PDE3A: variants seen among roughly 807,000 people sequenced by gnomAD.
PDE3A encodes phosphodiesterase 3A, also known as cGMP-inhibited 3',5'-cyclic phosphodiesterase 3A.
PDE3A carries 43 observed loss-of-function variants against 98.3 expected under a neutral mutation model. The observed-to-expected ratio is 0.44, with a 90% CI of 0.34 to 0.56. The LOEUF (loss-of-function observed/expected upper bound fraction) is 0.56, where lower values mean the gene tolerates loss of function less well. PDE3A is among the 20% of genes least tolerant of loss of function. The pLI is 0.01. For synonymous variants in PDE3A, 663 were observed against 567.9 expected, an observed-to-expected ratio of 1.17 and a Z score of -2.38; for missense variants, 1,427 against 1,440.7, an observed-to-expected ratio of 0.99 and a Z score of 0.15.
intron 1 of PDE3A, among the ~76,000 whole-genome samples, chr12:20,497,210 T>C (rs183570345): frequency 1.2e-3 from 186 of 152,266 alleles, no homozygotes; most frequent in South Asian, 2.3e-3. Context: ...AATGTGATTC[T>C]GATACAACTG....
intron 1 of PDE3A, among the ~76,000 whole-genome samples, chr12:20,401,268 A>G (rs1451090693): frequency 6.6e-6 from 1 of 152,140 alleles, no homozygotes; most frequent in Non-Finnish European, 1.5e-5. Flanking sequence ...CTACCACACT[A>G]CATCTTCTTG....
In PDE3A at chr12:20,552,957, GCCT is replaced by G; in HGVS notation, c.961-3701_961-3699del. 9 of 1,574,996 alleles carry G rather than the reference GCCT, an allele frequency of 5.7e-6. No individual in the cohort carries two copies. Among genetic ancestry groups the G allele is most frequent in the Non-Finnish European group, 6.9e-6 (8 of 1,160,438 alleles). On this transcript the variant is annotated intron_variant, in intron 1 of 15. Transcript: ENST00000359062. The surrounding 1 kb of genome is among the most constrained non-coding windows in gnomAD (Gnocchi z 5.1). ...GCAGCTATGCCATGCAGGTGAACCA[GCCT>G]CTGCAGACCGTCCTCAACCAGCTCT...
chr12:20,385,616 A>G (rs1027755581), intron 1 of PDE3A, among the ~76,000 whole-genome samples: 21 of 152,000 alleles, frequency 1.4e-4, no homozygotes, highest in South Asian at 6.2e-4. Context: ...GCCATAAAAA[A>G]TGATGAGTTC....
chr12:20,377,615 A>G (rs994645453), intron 1 of PDE3A, among the ~76,000 whole-genome samples: 1 of 151,864 alleles, frequency 6.6e-6, no homozygotes, highest in African/African-American at 2.4e-5. Context: ...TTTAATAACA[A>G]TATACAGTCT....
At chr12:20,445,095 C>G (rs765106670) in intron 1 of PDE3A, among the ~76,000 whole-genome samples, 9 of 152,140 alleles carry the variant, frequency 5.9e-5, no homozygotes, top group Non-Finnish European at 1.3e-4. Context: ...AGTAATTGCA[C>G]AAGTAAACGG....
Position 20,379,491 on chromosome 12 carries a change from A to C in PDE3A, c.960+9247A>C, listed in dbSNP as rs142397430. ...CAGGAACTAAGGAAGTCAGATTCAG[A>C]TTAAGACAATTTTTATTATAAAAGG... On this transcript the variant is annotated intron_variant, in intron 1 of 15. Transcript: ENST00000359062. Among the ~76,000 whole-genome samples, 31 of 151,926 alleles carry C rather than the reference A, an allele frequency of 2.0e-4. No homozygotes were observed. In the East Asian group the frequency reaches 5.2e-3, roughly 26 times the overall value.
intron 15 of PDE3A, among the ~76,000 whole-genome samples, chr12:20,654,894 A>G (rs1592151851): frequency 6.6e-6 from 1 of 152,078 alleles, no homozygotes; most frequent in Admixed American, 6.6e-5. Flanking sequence ...TGGCTTGGTT[A>G]GGGGAACTCC....
rs142678289 is a variant in PDE3A at position 20,597,434 on chromosome 12, G to A, written c.1012-16009G>A. ...AATGCTATATTATAGTGATAAGTAT[G>A]TTTGCTATCTGTCTTTCACCCTTCT... On this transcript the variant is annotated intron_variant, in intron 2 of 15. Transcript: ENST00000359062. Among the ~76,000 whole-genome samples, 17 of 152,252 alleles carry A rather than the reference G, an allele frequency of 1.1e-4. No individual in the cohort carries two copies. The East Asian group carries it at 3.3e-3, about 29-fold the overall frequency.
At chr12:20,458,726 G>A (rs1370712181) in intron 1 of PDE3A, among the ~76,000 whole-genome samples, 2 of 152,154 alleles carry the variant, frequency 1.3e-5, no homozygotes, top group African/African-American at 4.8e-5. Flanking sequence ...AAGACAAGCT[G>A]TCCTTCCTGA....
chr12:20,472,015 AC>A (rs1276801009), intron 1 of PDE3A, among the ~76,000 whole-genome samples: 1 of 152,104 alleles, frequency 6.6e-6, no homozygotes, highest in Non-Finnish European at 1.5e-5. Context: ...TGAATTTAAT[AC>A]CAAAAGAGGC....
At chr12:20,414,826 C>T (rs186205920) in intron 1 of PDE3A, among the ~76,000 whole-genome samples, 1 of 152,020 alleles carries the variant, frequency 6.6e-6, no homozygotes, top group Non-Finnish European at 1.5e-5. Flanking sequence ...TATTTTTTCT[C>T]ATGGTGTAAA....
intron 1 of PDE3A, among the ~76,000 whole-genome samples, chr12:20,415,286 A>G (rs1944403984): frequency 6.6e-6 from 1 of 152,074 alleles, no homozygotes; most frequent in African/African-American, 2.4e-5. Context: ...CCAAACTACA[A>G]TCTATCAGCT....
At chr12:20,450,556 G>A (rs574737564) in intron 1 of PDE3A, among the ~76,000 whole-genome samples, 112 of 152,314 alleles carry the variant, frequency 7.4e-4, no homozygotes, top group South Asian at 1.7e-3. Flanking sequence ...AAAGAGATTC[G>A]TGGGATATTA....
chr12:20,417,765 A>G (rs1436212792), intron 1 of PDE3A, among the ~76,000 whole-genome samples: 2 of 152,202 alleles, frequency 1.3e-5, no homozygotes, highest in Non-Finnish European at 2.9e-5. Context: ...TAGGATAATA[A>G]AAGCAGGTAT....
At chr12:20,674,142 A>C (rs1005147826) in intron 15 of PDE3A, among the ~76,000 whole-genome samples, 1 of 152,156 alleles carries the variant, frequency 6.6e-6, no homozygotes, top group Non-Finnish European at 1.5e-5. Flanking sequence ...TAGAAATACT[A>C]CTGATTTTTT....
At chr12:20,620,771 A>G (rs1337859714) in intron 4 of PDE3A, among the ~76,000 whole-genome samples, 1 of 151,952 alleles carries the variant, frequency 6.6e-6, no homozygotes, top group African/African-American at 2.4e-5. Context: ...ATTCCCTTGT[A>G]AAAAGGTAAT....
rs578244370 is a variant in PDE3A, at chr12:20,670,089, A to G, written c.3185-9941A>G. ...CAGACTTTAAACCAACAAAGATCAAAAGAGACAAAGAAGGCCATTACATAA... is the reference window on the plus strand; with the variant it reads ...CAGACTTTAAACCAACAAAGATCAAGAGAGACAAAGAAGGCCATTACATAA... On this transcript the variant is annotated intron_variant, in intron 15 of 15. Coordinates refer to ENST00000359062, the MANE Select transcript of PDE3A (RefSeq NM_000921.5). 2.1e-3 allele frequency among the ~76,000 whole-genome samples: 315 copies of G among 150,020 alleles called. 1 individual carries two copies. The highest frequency in any genetic ancestry group is 7.3e-3 in the African/African-American group (294 of 40,386).
At chr12:20,478,811 A>G (rs528759615) in intron 1 of PDE3A, among the ~76,000 whole-genome samples, 1 of 152,304 alleles carries the variant, frequency 6.6e-6, no homozygotes, top group South Asian at 2.1e-4. Flanking sequence ...CTAATGTAAA[A>G]TAGTCACTCT....
chr12:20,610,943 A>G (rs571612051), intron 2 of PDE3A, among the ~76,000 whole-genome samples: 6 of 152,120 alleles, frequency 3.9e-5, no homozygotes, highest in African/African-American at 1.4e-4. Context: ...AAAGTAGCAG[A>G]TATATAGGAT....
Sources: gnomAD v4.1 joint callset for allele counts (sites outside exome capture counted in the v4.1 genomes callset) on GRCh38, gnomAD v4.1.1 for gene constraint, Gnocchi (gnomAD v3.1) non-coding constraint, MANE v1.5 for transcripts, NCBI Gene and HGNC (gene_info 2026-07-23, HGNC 2026-07-21) for gene names.